NFIA: variants seen among roughly 807,000 people sequenced by gnomAD.
NFIA encodes nuclear factor I A.
A neutral mutation model predicts 62.8 loss-of-function variants in NFIA; 8 were observed. That is an observed-to-expected ratio of 0.13 (90% confidence interval 0.07 to 0.23). The LOEUF (loss-of-function observed/expected upper bound fraction) is 0.23, where lower values mean the gene tolerates loss of function less well. Ranked by LOEUF, NFIA falls within the 10% of genes least tolerant of loss-of-function variation. NFIA has a pLI of 1.00. For missense variants in NFIA, 410 were observed against 642.1 expected (o/e 0.64, Z 3.91); for synonymous variants, 235 against 238.1 (o/e 0.99, Z 0.12).
At chr1:61,206,206 A>G (rs746947524) in intron 2 of NFIA, among the ~76,000 whole-genome samples, 12 of 152,146 alleles carry the variant, frequency 7.9e-5, no homozygotes, top group Non-Finnish European at 1.8e-4. Flanking sequence ...GTTATATAAG[A>G]CTTTATAAGA....
At chr1:61,311,287 AG>A (rs1660098567) in intron 3 of NFIA, among the ~76,000 whole-genome samples, 1 of 152,074 alleles carries the variant, frequency 6.6e-6, no homozygotes, top group African/African-American at 2.4e-5. Flanking sequence ...GCTACTCGAG[AG>A]GCTGAGGCAG....
Position 61,288,958 on chromosome 1 carries a change from G to A in NFIA, c.625+11373G>A, listed in dbSNP as rs79628056. 1.0e-3 allele frequency among the ~76,000 whole-genome samples: 153 copies of A among 152,212 alleles called. 2 individuals are homozygous for A. The East Asian group carries it at 0.027, about 27-fold the overall frequency. ...AATTTACTGTATTTTTAGTAGAGAC[G>A]AGGGTCTCACTATGTTGTCCAGGCT... is the stretch of plus-strand genomic sequence containing the variant. On this transcript the variant is annotated intron_variant, in intron 3 of 10. Transcript: ENST00000403491.
At chr1:61,228,101 T>C (rs1654444632) in intron 2 of NFIA, among the ~76,000 whole-genome samples, 2 of 152,216 alleles carry the variant, frequency 1.3e-5, no homozygotes, top group African/African-American at 4.8e-5. Flanking sequence ...ACTTGACTCA[T>C]TCACCCTGCT....
intron 2 of NFIA, among the ~76,000 whole-genome samples, chr1:61,209,844 C>T (rs1653135246): frequency 6.6e-6 from 1 of 151,878 alleles, no homozygotes; most frequent in Non-Finnish European, 1.5e-5. Flanking sequence ...CAGAGCAAGA[C>T]TCTGTCTCAA....
rs78980664 is a variant in NFIA, at chr1:61,275,602, T to C, written c.560-1918T>C. On this transcript the variant is annotated intron_variant, in intron 2 of 10. Transcript: ENST00000403491. ...TGCTAGTATTATTCCAAAGAAAATA[T>C]TATGTTTGGCAAAATTTTATGTATC... Among the ~76,000 whole-genome samples, 256 of 152,278 alleles carry C rather than the reference T, an allele frequency of 1.7e-3. 2 individuals carry two copies. The highest frequency in any genetic ancestry group is 6.8e-3 in the Middle Eastern group (2 of 294).
At chr1:61,349,332 G>A (rs1379124369) in intron 4 of NFIA, among the ~76,000 whole-genome samples, 1 of 151,948 alleles carries the variant, frequency 6.6e-6, no homozygotes, top group Non-Finnish European at 1.5e-5. Flanking sequence ...TTTTAGCAGT[G>A]ACTGTTTTTG....
chr1:61,124,481 T>G lies in NFIA; in HGVS notation c.559+35801T>G, dbSNP rs369559556. On this transcript the variant is annotated intron_variant, in intron 2 of 10. Coordinates refer to ENST00000403491, the MANE Select transcript of NFIA (RefSeq NM_001134673.4). ...TTGTATTACAAATCCTTCTTAAGGA[T>G]TTTCTATTTTGACATGCAAGAGGAG... Among the ~76,000 whole-genome samples, 23 of 152,252 alleles carry G rather than the reference T, an allele frequency of 1.5e-4. No individual in the cohort carries two copies. In the East Asian group the frequency reaches 2.3e-3, roughly 15 times the overall value.
intron 6 of NFIA, among the ~76,000 whole-genome samples, chr1:61,365,951 G>C (rs1003157452): frequency 1.3e-5 from 2 of 152,192 alleles, no homozygotes; most frequent in South Asian, 2.1e-4. Flanking sequence ...AAAGAAAAGA[G>C]CTGTTAAATC....
chr1:61,341,644 A>G (rs758153267), intron 4 of NFIA, among the ~76,000 whole-genome samples: 3 of 151,796 alleles, frequency 2.0e-5, no homozygotes, highest in Non-Finnish European at 4.4e-5. Flanking sequence ...CATCCAACTA[A>G]TGTTTGCATT....
chr1:61,140,969 T>TG (rs1213552521), intron 2 of NFIA, among the ~76,000 whole-genome samples: 1 of 145,484 alleles, frequency 6.9e-6, no homozygotes, highest in Non-Finnish European at 1.5e-5. Flanking sequence ...AGCTGGGTTT[T>TG]TTTTTTTTTT....
At chr1:61,200,865 T>C (rs954479086) in intron 2 of NFIA, among the ~76,000 whole-genome samples, 5 of 152,228 alleles carry the variant, frequency 3.3e-5, no homozygotes, top group Non-Finnish European at 7.3e-5. Flanking sequence ...GTAGTAGTAC[T>C]CATTTAAGTG....
chr1:61,441,331 G>GTGTGTGTGTGTGTGTGTGTGTC (rs1360188951), intron 10 of NFIA, among the ~76,000 whole-genome samples: 26 of 142,342 alleles, frequency 1.8e-4, no homozygotes, highest in Non-Finnish European at 2.6e-4. Flanking sequence ...GTGTGTGTGT[G>GTGTGTGTGTGTGTGTGTGTGTC]TGTCTGTCTG....
chr1:61,452,542 A>G (rs1668103666), intron 10 of NFIA, among the ~76,000 whole-genome samples: 1 of 152,078 alleles, frequency 6.6e-6, no homozygotes, highest in African/African-American at 2.4e-5. Context: ...AAGACCCCCA[A>G]CCTCTGCCTT....
At chr1:61,379,461 GC>G (rs1664311478) in intron 6 of NFIA, among the ~76,000 whole-genome samples, 1 of 138,374 alleles carries the variant, frequency 7.2e-6, no homozygotes, top group Admixed American at 8.0e-5. Flanking sequence ...AGGCTGGAGT[GC>G]AGTAGCATGA....
At chr1:61,398,286 G>A (rs1368792165) in intron 7 of NFIA, among the ~76,000 whole-genome samples, 1 of 152,144 alleles carries the variant, frequency 6.6e-6, no homozygotes, top group African/African-American at 2.4e-5. Context: ...GCCAACTCCT[G>A]GTCTAGTCAG....
At chr1:61,203,776 G>A (rs1361037079) in intron 2 of NFIA, among the ~76,000 whole-genome samples, 1 of 152,040 alleles carries the variant, frequency 6.6e-6, no homozygotes, top group Non-Finnish European at 1.5e-5. Context: ...TGTAACAGTG[G>A]GTGCCCTATA....
chr1:61,404,366 C>T (rs1339977118), intron 8 of NFIA, 84 bp downstream of exon 8: 14 of 1,339,660 alleles, frequency 1.0e-5, no homozygotes, highest in African/African-American at 1.5e-5. Context: ...GATCATGTGA[C>T]GTTGTGCTCT....
At chr1:61,264,490 CA>C (rs903132592) in intron 2 of NFIA, among the ~76,000 whole-genome samples, 2 of 150,686 alleles carry the variant, frequency 1.3e-5, no homozygotes, top group African/African-American at 4.9e-5. Context: ...CTAAAAAATA[CA>C]AAAAAGAAAA....
intron 2 of NFIA, among the ~76,000 whole-genome samples, chr1:61,247,844 T>A (rs1655750196): frequency 6.6e-6 from 1 of 152,174 alleles, no homozygotes; most frequent in Admixed American, 6.5e-5. Flanking sequence ...GCCAACATGA[T>A]CCTGAGAACT....
Sources: gnomAD v4.1 joint callset for allele counts (sites outside exome capture counted in the v4.1 genomes callset) on GRCh38, gnomAD v4.1.1 for gene constraint, MANE v1.5 for transcripts, NCBI Gene and HGNC (gene_info 2026-07-23, HGNC 2026-07-21) for gene names.